Variants in PTPN4 observed in about 807,000 individuals in gnomAD.
PTPN4 encodes tyrosine-protein phosphatase non-receptor type 4.
A neutral mutation model predicts 135.5 loss-of-function variants in PTPN4; 49 were observed. The ratio of observed to expected loss-of-function variants is 0.36; its 90% confidence interval spans 0.29 to 0.46. The LOEUF (loss-of-function observed/expected upper bound fraction) is 0.46. Among genes scored for constraint, PTPN4 ranks in the 20% least tolerant of loss-of-function variants. PTPN4 has a pLI of 1.00. For synonymous variants in PTPN4, 333 were observed against 369.9 expected (o/e 0.90, Z 1.14); for missense variants, 860 against 1,101.0 (o/e 0.78, Z 3.10).
chr2:119,928,839 T>A, intron 13 of PTPN4, among the ~76,000 whole-genome samples: 1 of 152,250 alleles, frequency 6.6e-6, no homozygotes, highest in African/African-American at 2.4e-5. Flanking sequence ...CATATCCTCA[T>A]ACGAGTACCA....
intron 1 of PTPN4, among the ~76,000 whole-genome samples, chr2:119,762,149 C>A (rs1163959450): frequency 6.6e-6 from 1 of 151,950 alleles, no homozygotes; most frequent in African/African-American, 2.4e-5. Context: ...AGAATGCAGC[C>A]TCAGGAAATT....
chr2:119,972,744 A>G (rs1457883233), intron 26 of PTPN4, among the ~76,000 whole-genome samples: 2 of 152,100 alleles, frequency 1.3e-5, no homozygotes, highest in Non-Finnish European at 2.9e-5. Context: ...TTACTTGTTC[A>G]TTGAGTGTTT....
chr2:119,887,833 G>A (rs547725164), intron 9 of PTPN4, among the ~76,000 whole-genome samples: 52 of 152,102 alleles, frequency 3.4e-4, no homozygotes, highest in Admixed American at 2.6e-3. Flanking sequence ...TTTTTGCTCC[G>A]GATTGCTTTG....
chr2:119,766,795 A>T (rs1396282162), intron 1 of PTPN4, among the ~76,000 whole-genome samples: 1 of 152,098 alleles, frequency 6.6e-6, no homozygotes, highest in African/African-American at 2.4e-5. Context: ...TATAGATATG[A>T]GATTAGAACT....
At chr2:119,872,182 A>G (rs72969187) in intron 3 of PTPN4, among the ~76,000 whole-genome samples, 1 of 152,142 alleles carries the variant, frequency 6.6e-6, no homozygotes, top group South Asian at 2.1e-4. Context: ...GATCAAATCC[A>G]AGTTTTCCAC....
intron 12 of PTPN4, among the ~76,000 whole-genome samples, chr2:119,923,631 C>G (rs1378078845): frequency 6.6e-6 from 1 of 151,822 alleles, no homozygotes. Flanking sequence ...GGAGATAAAT[C>G]AGAATAATCC....
chr2:119,957,163 C>A (rs1420653025), intron 22 of PTPN4, 86 bp downstream of exon 22: 26 of 1,216,420 alleles, frequency 2.1e-5, no homozygotes, highest in Non-Finnish European at 2.9e-5. Context: ...AAATCCTGAC[C>A]TGGATAGAAT....
intron 8 of PTPN4, among the ~76,000 whole-genome samples, chr2:119,884,100 G>A (rs868569970): frequency 3.2e-4 from 48 of 152,268 alleles, no homozygotes; most frequent in African/African-American, 7.9e-4. Flanking sequence ...GGGTTTCACC[G>A]TGTTAGCCAG....
intron 2 of PTPN4, among the ~76,000 whole-genome samples, chr2:119,861,772 G>T (rs947341120): frequency 1.1e-4 from 17 of 152,180 alleles, no homozygotes; most frequent in Admixed American, 8.5e-4. Context: ...ATTGGAGGGG[G>T]ATTATCTAAT....
At chr2:119,799,893 C>T (rs1260073668) in intron 1 of PTPN4, among the ~76,000 whole-genome samples, 4 of 152,022 alleles carry the variant, frequency 2.6e-5, no homozygotes, top group African/African-American at 9.7e-5. Context: ...CTTTAGACTC[C>T]TCCAGTGATG....
At chr2:119,827,013 G>T (rs944119938) in intron 2 of PTPN4, among the ~76,000 whole-genome samples, 3 of 152,206 alleles carry the variant, frequency 2.0e-5, no homozygotes, top group Middle Eastern at 3.2e-3. Context: ...GGACAACAGA[G>T]TGAGACCCTA....
intron 1 of PTPN4, among the ~76,000 whole-genome samples, chr2:119,793,257 A>G (rs1558727178): frequency 6.6e-6 from 1 of 152,126 alleles, no homozygotes; most frequent in African/African-American, 2.4e-5. Flanking sequence ...TCAATTATTA[A>G]TATTCCTTAC....
At chr2:119,851,187 A>C (rs996965659) in intron 2 of PTPN4, among the ~76,000 whole-genome samples, 5 of 152,068 alleles carry the variant, frequency 3.3e-5, no homozygotes, top group African/African-American at 9.7e-5. Context: ...GTTTTTGGGG[A>C]GGTTTGCTTT....
rs1215130003 is a variant in PTPN4 at position 119,983,488 on chromosome 2, C to T, written c.*6418C>T. On this transcript the variant is annotated 3_prime_UTR_variant, in exon 27 of 27. Transcript: ENST00000263708. ...AACCCAAGTCTGGGATTCTCTGGCACCTGTCTTTTCCCATCTTTTAATGAG... is the reference window on the plus strand; with the variant it reads ...AACCCAAGTCTGGGATTCTCTGGCATCTGTCTTTTCCCATCTTTTAATGAG... 2.6e-5 allele frequency: 4 copies of T among 152,154 alleles called. No homozygotes were observed. The highest frequency in any genetic ancestry group is 9.7e-5 in the African/African-American group (4 of 41,442). 9.4% of individuals were successfully genotyped at this position (152,154 alleles called of 1,614,324 possible).
chr2:119,787,936 C>T (rs891607334), intron 1 of PTPN4, among the ~76,000 whole-genome samples: 1 of 152,052 alleles, frequency 6.6e-6, no homozygotes, highest in Non-Finnish European at 1.5e-5. Context: ...ATTTTAGGCA[C>T]TGAAGTTTAA....
chr2:119,794,909 CA>C (rs1414882437), intron 1 of PTPN4, among the ~76,000 whole-genome samples: 1 of 152,180 alleles, frequency 6.6e-6, no homozygotes, highest in Non-Finnish European at 1.5e-5. Context: ...AGGAGACCTG[CA>C]GTGGGCAGCT....
intron 2 of PTPN4, among the ~76,000 whole-genome samples, chr2:119,845,833 T>C (rs1396092443): frequency 1.3e-5 from 2 of 152,238 alleles, no homozygotes; most frequent in Non-Finnish European, 2.9e-5. Flanking sequence ...CATTTGTAGC[T>C]ATAAATTTTT....
chr2:119,879,833 A>C (rs1354603053), intron 5 of PTPN4, among the ~76,000 whole-genome samples: 2 of 152,148 alleles, frequency 1.3e-5, no homozygotes, highest in Non-Finnish European at 2.9e-5. Flanking sequence ...TATATTCCCA[A>C]TATGCAGATG....
intron 3 of PTPN4, 149 bp from the exon 4 acceptor site, chr2:119,877,174 T>G: frequency 1.5e-6 from 1 of 648,288 alleles, no homozygotes; most frequent in Non-Finnish European, 2.5e-6. Context: ...ATGAAAAATA[T>G]TGTCTGTAAT....
Sources: gnomAD v4.1 joint callset for allele counts (sites outside exome capture counted in the v4.1 genomes callset) on GRCh38, gnomAD v4.1.1 for gene constraint, MANE v1.5 for transcripts, NCBI Gene and HGNC (gene_info 2026-07-23, HGNC 2026-07-21) for gene names.